Variants in MAP3K9 observed in about 807,000 individuals in gnomAD.
The protein encoded by MAP3K9 is mitogen-activated protein kinase kinase kinase 9, also known as mixed lineage kinase 1 (tyr and ser/thr specificity).
In MAP3K9, 46 loss-of-function variants were observed where a neutral mutation model predicts 95.8. That is an observed-to-expected ratio of 0.48 (90% confidence interval 0.38 to 0.61). The LOEUF (loss-of-function observed/expected upper bound fraction) is 0.61. Among genes scored for constraint, MAP3K9 ranks in the 20% least tolerant of loss-of-function variants. The probability of loss-of-function intolerance (pLI) is 0.00; values close to 1 mark genes in which losing one functional copy is unlikely to be tolerated. For missense variants in MAP3K9, 1,296 were observed against 1,474.3 expected, an observed-to-expected ratio of 0.88 and a Z score of 1.98; for synonymous variants, 533 against 593.8, an observed-to-expected ratio of 0.90 and a Z score of 1.49.
chr14:70,738,641 A>C (rs1472761215), intron 7 of MAP3K9, among the ~76,000 whole-genome samples: 1 of 152,230 alleles, frequency 6.6e-6, no homozygotes, highest in Non-Finnish European at 1.5e-5. Flanking sequence ...ATCCAATGTA[A>C]AGCTAGAGCT....
intron 2 of MAP3K9, among the ~76,000 whole-genome samples, chr14:70,769,896 G>A (rs2054507726): frequency 6.6e-6 from 1 of 152,190 alleles, no homozygotes; most frequent in Admixed American, 6.5e-5. Flanking sequence ...TCACAGGTTA[G>A]GACTTCAACT....
At chr14:70,772,014 C>A (rs1474161295) in intron 2 of MAP3K9, among the ~76,000 whole-genome samples, 6 of 152,220 alleles carry the variant, frequency 3.9e-5, no homozygotes, top group Non-Finnish European at 8.8e-5. Flanking sequence ...TGGGGCTCTG[C>A]CCGCTCTGTC....
chr14:70,757,456 GAAAA>G (rs35189989), intron 3 of MAP3K9, among the ~76,000 whole-genome samples: 8 of 114,050 alleles, frequency 7.0e-5, no homozygotes, highest in Non-Finnish European at 9.1e-5. Flanking sequence ...GACCCTGTCC[GAAAA>G]AAAAAAAAAA....
chr14:70,755,776 C>T (rs868810805), intron 3 of MAP3K9, among the ~76,000 whole-genome samples: 1 of 152,316 alleles, frequency 6.6e-6, no homozygotes, highest in Non-Finnish European at 1.5e-5. Context: ...GAAGCTAAGA[C>T]AGCTGAAAGG....
chr14:70,778,278 T>C (rs1340714790), intron 2 of MAP3K9, among the ~76,000 whole-genome samples: 1 of 13,212 alleles, frequency 7.6e-5, no homozygotes, highest in Non-Finnish European at 1.5e-4. Context: ...GCCCAGCTAT[T>C]TTTTTTTTTT....
In MAP3K9 at chr14:70,801,061, CGCAAAATCAATTTCTAA is replaced by C; in HGVS notation, c.409_425del (p.Leu137GlyfsTer25). On this transcript the variant is annotated frameshift_variant and splice_region_variant, in exon 2 of 12. Coordinates refer to ENST00000554752, the MANE Select transcript of MAP3K9 (RefSeq NM_001284230.2). LOFTEE classifies it high-confidence loss of function. ...CAATAATCTCTTCCAAGGTGAGCTCCGCAAAATCAATTTCTAACACTGAGAAAGGGAAGAAAAAAAGA... is the reference window on the plus strand; with the variant it reads ...CAATAATCTCTTCCAAGGTGAGCTCCCACTGAGAAAGGGAAGAAAAAAAGA... 1 of 1,607,696 alleles carries C rather than the reference CGCAAAATCAATTTCTAA, an allele frequency of 6.2e-7. No homozygotes were observed. Among genetic ancestry groups the C allele is most frequent in the Non-Finnish European group, 8.5e-7 (1 of 1,175,354 alleles).
At position 70,738,315 on chromosome 14, in the gene MAP3K9, G is replaced by T. The variant is rs760936170; in HGVS notation, c.1774C>A (p.Pro592Thr). ...CCCCACGTCCGTCCCTTCTTCTTTG[G>T]GGCCCTCTTCTCCTCCTCCTCCCCT... ...EEGEEEEKRA[P>T]KKKGRTWGPG... The change falls in exon 8 of 12, where the codon CCA (proline) becomes ACA (threonine). Residue 592 changes from proline to threonine, a missense_variant. Pro to Thr is a conservative substitution (Grantham distance 38). Around this residue, in one of 5 missense-constraint regions of MAP3K9, gnomAD observed 377 missense variants for 417.1 expected, o/e 0.90. Transcript: ENST00000554752. 53 of 1,613,748 alleles carry T rather than the reference G, an allele frequency of 3.3e-5. No homozygotes were observed. The highest frequency in any genetic ancestry group is 4.3e-5 in the Non-Finnish European group (51 of 1,179,950).
intron 2 of MAP3K9, among the ~76,000 whole-genome samples, chr14:70,778,633 C>T (rs923029152): frequency 2.0e-5 from 3 of 152,176 alleles, no homozygotes; most frequent in Admixed American, 1.3e-4. Context: ...ATCATCATTG[C>T]TAGCATTTAC....
intron 2 of MAP3K9, among the ~76,000 whole-genome samples, chr14:70,789,981 G>A (rs2054789427): frequency 6.6e-6 from 1 of 152,192 alleles, no homozygotes; most frequent in East Asian, 1.9e-4. Flanking sequence ...GGAAGCAAGT[G>A]TAAATCAAAG....
rs1433090669 is a variant in MAP3K9, at chr14:70,738,367, G to A, written c.1722C>T (p.Gly574=). The change falls in exon 8 of 12, where the codon GGC becomes GGT. Residue 574 remains glycine (G), a synonymous_variant. Coordinates refer to ENST00000554752, the MANE Select transcript of MAP3K9 (RefSeq NM_001284230.2). ...LTPGESSKTW[G]RSSVVPKEEG... ...CCTCCTTTGGGACGACTGAGCTCCT[G>A]CCCCAGGTTTTGCTGCTTTCACCTG... The A allele has an allele frequency of 1.2e-6, 2 of 1,613,906 alleles. No homozygotes were observed. The highest frequency in any genetic ancestry group is 2.2e-5 in the East Asian group (1 of 44,862).
intron 2 of MAP3K9, among the ~76,000 whole-genome samples, chr14:70,782,412 T>C (rs569752375): frequency 3.3e-5 from 5 of 152,170 alleles, no homozygotes; most frequent in South Asian, 4.2e-4. Context: ...ACCCCAGGCA[T>C]TGCAGAGGAG....
At position 70,750,054 on chromosome 14, in the gene MAP3K9, C is replaced by A. The variant is rs955506168; in HGVS notation, c.1029G>T (p.Leu343=). 1.2e-6 allele frequency: 2 copies of A among 1,614,082 alleles called. No individual in the cohort carries two copies. Among genetic ancestry groups the A allele is most frequent in the African/African-American group, 1.3e-5 (1 of 74,920 alleles). The change falls in exon 4 of 12, where the codon CTG becomes CTT. Residue 343 remains leucine, a synonymous_variant. Transcript: ENST00000554752. ...WSYGVLLWEL[L]TGEVPFRGID... ...TGCCTCGAAAGGGCACCTCACCAGT[C>A]AGCAACTCCCAAAGTAGCACCCCAT...
Position 70,769,982 on chromosome 14 carries a change from C to G in MAP3K9, c.821-8800G>C, listed in dbSNP as rs572792648. Reference sequence around the variant, plus strand: ...TGGAGGAGTAAAAATACTGCCTTTGCTAAATGAAGCCTTCCCAAAGGGAAT... The same window carrying G: ...TGGAGGAGTAAAAATACTGCCTTTGGTAAATGAAGCCTTCCCAAAGGGAAT... On this transcript the variant is annotated intron_variant, in intron 2 of 11. Coordinates refer to ENST00000554752, the MANE Select transcript of MAP3K9 (RefSeq NM_001284230.2). Among the ~76,000 whole-genome samples the G allele has an allele frequency of 3.9e-5, 6 of 152,260 alleles. No individual in the cohort carries two copies. In the South Asian group the frequency reaches 1.2e-3, roughly 32 times the overall value.
intron 1 of MAP3K9, among the ~76,000 whole-genome samples, chr14:70,801,649 AG>A (rs1230953344): frequency 6.6e-6 from 1 of 152,236 alleles, no homozygotes; most frequent in Non-Finnish European, 1.5e-5. Context: ...ACCAAACCAT[AG>A]GATGAGAAGA....
chr14:70,785,454 A>G (rs1286661648), intron 2 of MAP3K9, among the ~76,000 whole-genome samples: 8 of 152,242 alleles, frequency 5.3e-5, no homozygotes, highest in Non-Finnish European at 1.0e-4. Flanking sequence ...GAACAACTAT[A>G]CTATAAGAAA....
At chr14:70,752,061 G>A (rs1370915785) in intron 3 of MAP3K9, among the ~76,000 whole-genome samples, 1 of 152,304 alleles carries the variant, frequency 6.6e-6, no homozygotes, top group Admixed American at 6.5e-5. Context: ...CTTTACCCCA[G>A]TGAGGCCTTC....
intron 2 of MAP3K9, among the ~76,000 whole-genome samples, chr14:70,765,728 C>T (rs1220586213): frequency 9.3e-6 from 1 of 107,036 alleles, no homozygotes; most frequent in Non-Finnish European, 1.8e-5. Flanking sequence ...AATACACCAA[C>T]AACAGCTAAA....
chr14:70,747,976 C>T (rs952714745), intron 5 of MAP3K9, among the ~76,000 whole-genome samples: 12 of 151,094 alleles, frequency 7.9e-5, no homozygotes, highest in Admixed American at 3.3e-4. Flanking sequence ...GGCGAGGTGG[C>T]GGGCGCCTGT....
chr14:70,762,475 T>A (rs984245166), intron 2 of MAP3K9, among the ~76,000 whole-genome samples: 6 of 152,230 alleles, frequency 3.9e-5, no homozygotes, highest in African/African-American at 1.2e-4. Flanking sequence ...TGGTTTGGGT[T>A]TGCATTTCCC....
Sources: gnomAD v4.1 joint callset for allele counts (sites outside exome capture counted in the v4.1 genomes callset) on GRCh38, gnomAD v4.1.1 for gene constraint, gnomAD v4.1.1 regional missense constraint, MANE v1.5 for transcripts, NCBI Gene and HGNC (gene_info 2026-07-23, HGNC 2026-07-21) for gene names.